CMKLR2: variants seen among roughly 807,000 people sequenced by gnomAD.
CMKLR2 encodes chemerin chemokine-like receptor 2.
A neutral mutation model predicts 23.0 loss-of-function variants in CMKLR2; 18 were observed. The observed-to-expected ratio is 0.78, with a 90% CI of 0.54 to 1.16. The LOEUF (loss-of-function observed/expected upper bound fraction) is 1.16. Ranked by LOEUF, CMKLR2 falls within the 50% of genes most tolerant of loss-of-function variation. CMKLR2 has a pLI of 0.00. For missense variants in CMKLR2, 401 were observed against 412.7 expected (o/e 0.97, Z 0.25); for synonymous variants, 158 against 158.9 (o/e 0.99, Z 0.05).
chr2:206,216,662 C>T (rs567305595), upstream of CMKLR2, among the ~76,000 whole-genome samples: 15 of 152,240 alleles, frequency 9.9e-5, 1 homozygote, highest in South Asian at 2.7e-3. Context: ...TACACAATGC[C>T]GCTATCATAT....
intron 1 of CMKLR2, among the ~76,000 whole-genome samples, chr2:206,183,911 T>C (rs1171416143): frequency 6.6e-6 from 1 of 152,162 alleles, no homozygotes. Flanking sequence ...TTCCCAAATA[T>C]CTAGAGACTA....
At chr2:206,184,268 C>A (rs1000922467) in intron 1 of CMKLR2, among the ~76,000 whole-genome samples, 2 of 151,660 alleles carry the variant, frequency 1.3e-5, no homozygotes, top group Non-Finnish European at 2.9e-5. Context: ...TATTCTATTG[C>A]CTCTGTAAAA....
At chr2:206,207,369 A>AC (rs1434066861) in intron 1 of CMKLR2, among the ~76,000 whole-genome samples, 2 of 152,016 alleles carry the variant, frequency 1.3e-5, no homozygotes, top group African/African-American at 4.8e-5. Context: ...CGAACTCCTG[A>AC]CCTTAGGTGA....
At chr2:206,209,353 G>C (rs1002385895) in intron 1 of CMKLR2, among the ~76,000 whole-genome samples, 8 of 149,530 alleles carry the variant, frequency 5.4e-5, no homozygotes, top group Non-Finnish European at 8.9e-5. Flanking sequence ...AAAAAAAAAA[G>C]CACTTTTTTG....
chr2:206,216,810 T>G (rs1689768613), upstream of CMKLR2, among the ~76,000 whole-genome samples: 1 of 152,196 alleles, frequency 6.6e-6, no homozygotes. Flanking sequence ...AATGAAGCTT[T>G]AATAGTGAGA....
chr2:206,188,730 C>G (rs1453779459), intron 1 of CMKLR2, among the ~76,000 whole-genome samples: 1 of 152,138 alleles, frequency 6.6e-6, no homozygotes, highest in African/African-American at 2.4e-5. Flanking sequence ...TTACTTCCAC[C>G]TAGATACTCA....
chr2:206,202,717 C>CG (rs1360468667), intron 1 of CMKLR2, among the ~76,000 whole-genome samples: 2 of 150,036 alleles, frequency 1.3e-5, no homozygotes, highest in Non-Finnish European at 3.0e-5. Context: ...GTGGCAGCGG[C>CG]GGGGGGCTGG....
chr2:206,209,996 C>T (rs538837743), intron 1 of CMKLR2, among the ~76,000 whole-genome samples: 1 of 148,438 alleles, frequency 6.7e-6, no homozygotes, highest in Non-Finnish European at 1.5e-5. Flanking sequence ...CAGAGTCTCA[C>T]TCTGTCACCC....
At chr2:206,194,126 A>G (rs1358471194) in intron 1 of CMKLR2, among the ~76,000 whole-genome samples, 1 of 152,168 alleles carries the variant, frequency 6.6e-6, no homozygotes, top group East Asian at 1.9e-4. Context: ...ACAAAACAAT[A>G]CTGTTCATTA....
intron 1 of CMKLR2, among the ~76,000 whole-genome samples, chr2:206,202,750 C>A (rs1386710519): frequency 6.6e-6 from 1 of 151,946 alleles, no homozygotes; most frequent in Non-Finnish European, 1.5e-5. Context: ...CCAGGTCAGG[C>A]GGCCGGCTTA....
At chr2:206,209,991 TCTCA>T (rs1320894110) in intron 1 of CMKLR2, among the ~76,000 whole-genome samples, 1 of 144,488 alleles carries the variant, frequency 6.9e-6, no homozygotes, top group Non-Finnish European at 1.5e-5. Flanking sequence ...AGAGACAGAG[TCTCA>T]CTCTGTCACC....
At chr2:206,206,917 C>CTTTT (rs66681603) in intron 1 of CMKLR2, among the ~76,000 whole-genome samples, 4,230 of 126,070 alleles carry the variant, frequency 0.034, 204 homozygotes, top group African/African-American at 0.069. Flanking sequence ...CCCCCTGCCC[C>CTTTT]TTTTTTTTTT....
chr2:206,180,733 C>CTATTATTAT (rs1270503964), intron 1 of CMKLR2, among the ~76,000 whole-genome samples: 1 of 27,258 alleles, frequency 3.7e-5, no homozygotes, highest in Admixed American at 4.1e-4. Flanking sequence ...TGTGCCCAGC[C>CTATTATTAT]CATTATTATT....
At chr2:206,182,152 C>T (rs746335355) in intron 1 of CMKLR2, among the ~76,000 whole-genome samples, 5 of 151,948 alleles carry the variant, frequency 3.3e-5, no homozygotes, top group Non-Finnish European at 7.4e-5. Flanking sequence ...CTAAGTGAAT[C>T]TGCACAGTTG....
At chr2:206,186,154 C>T (rs545635822) in intron 1 of CMKLR2, among the ~76,000 whole-genome samples, 124 of 150,132 alleles carry the variant, frequency 8.3e-4, no homozygotes, top group Non-Finnish European at 1.5e-3. Context: ...CACTGTCACC[C>T]AGGCTGGAGT....
intron 1 of CMKLR2, among the ~76,000 whole-genome samples, chr2:206,188,991 T>C (rs987447918): frequency 6.6e-6 from 1 of 152,210 alleles, no homozygotes; most frequent in Non-Finnish European, 1.5e-5. Flanking sequence ...GGTTTGGCTA[T>C]AGAGGGAAAC....
intron 1 of CMKLR2, among the ~76,000 whole-genome samples, chr2:206,206,591 C>T (rs1217517244): frequency 1.3e-5 from 2 of 152,214 alleles, no homozygotes; most frequent in Non-Finnish European, 2.9e-5. Context: ...TAGCCTAAAT[C>T]AGGGCCCCTG....
chr2:206,187,185 A>G (rs1688606910), intron 1 of CMKLR2, among the ~76,000 whole-genome samples: 1 of 152,124 alleles, frequency 6.6e-6, no homozygotes, highest in African/African-American at 2.4e-5. Flanking sequence ...CATCTCTACT[A>G]AAAACACAAA....
chr2:206,191,934 G>A (rs930895774), intron 1 of CMKLR2, among the ~76,000 whole-genome samples: 4 of 149,514 alleles, frequency 2.7e-5, no homozygotes, highest in Admixed American at 6.8e-5. Context: ...TCTGCCTCCC[G>A]GGTTCACACT....
Sources: allele counts gnomAD v4.1 joint callset (sites outside exome capture counted in the v4.1 genomes callset), GRCh38; gene constraint gnomAD v4.1.1; transcripts MANE v1.5; gene names NCBI Gene and HGNC (gene_info 2026-07-23, HGNC 2026-07-21).